Variants in CBLN2 observed in about 807,000 individuals in gnomAD.
CBLN2 encodes the protein cerebellin 2 precursor, also known as cerebellin-2.
A neutral mutation model predicts 15.0 loss-of-function variants in CBLN2; 7 were observed. The observed-to-expected ratio is 0.47, with a 90% CI of 0.27 to 0.88. CBLN2 has a LOEUF of 0.88. CBLN2 is among the 40% of genes least tolerant of loss of function. CBLN2 has a pLI of 0.14. For synonymous variants in CBLN2, 149 were observed against 135.2 expected (o/e 1.10, Z -0.71); for missense variants, 242 against 304.5 (o/e 0.79, Z 1.53).
chr18:72,633,049 G>C (rs559623885), intron 1 of CBLN2, among the ~76,000 whole-genome samples: 2 of 152,202 alleles, frequency 1.3e-5, no homozygotes, highest in South Asian at 4.1e-4. Context: ...AAGTCGCTTC[G>C]ATTGTTTCAT....
chr18:72,585,964 G>A (rs1206187429), intron 1 of CBLN2, among the ~76,000 whole-genome samples: 4 of 152,244 alleles, frequency 2.6e-5, no homozygotes, highest in Non-Finnish European at 5.9e-5. Context: ...CACCAAGAAT[G>A]TGAAGATGCC....
rs1409476141 is a variant in CBLN2 at position 72,538,031 on chromosome 18, G to A, written c.*145C>T. On this transcript the variant is annotated 3_prime_UTR_variant, in exon 5 of 5. Transcript: ENST00000269503. The stretch of plus-strand genomic sequence containing the variant: ...AAAAAACAAAAACAAAAGTACTGGA[G>A]GTTTCAAAGGAAATCATTCTTCTAC... 1.2e-5 allele frequency: 9 copies of A among 782,588 alleles called. No homozygotes were observed. The Admixed American group carries it at 1.9e-4, about 17-fold the overall frequency. 48.5% of individuals were successfully genotyped at this position (782,588 alleles called of 1,614,324 possible). A position where few individuals can be genotyped will look rare whatever the true frequency, so the allele number is the denominator to read the frequency against.
chr18:72,546,245 G>A (rs1288301150), upstream of CBLN2, among the ~76,000 whole-genome samples: 1 of 152,156 alleles, frequency 6.6e-6, no homozygotes, highest in Non-Finnish European at 1.5e-5. Flanking sequence ...AGACCATCCT[G>A]GCTAACACGG....
intron 1 of CBLN2, among the ~76,000 whole-genome samples, chr18:72,571,418 G>T (rs1197925339): frequency 6.6e-6 from 1 of 151,676 alleles, no homozygotes; most frequent in Admixed American, 6.6e-5. Context: ...AAAAGAAAAA[G>T]AAAAAAAAGC....
At chr18:72,579,899 T>G (rs2069391963) in intron 1 of CBLN2, among the ~76,000 whole-genome samples, 1 of 152,078 alleles carries the variant, frequency 6.6e-6, no homozygotes. Context: ...ATTTAGTCTC[T>G]GAGTCTTAAT....
Position 72,579,589 on chromosome 18 carries a change from G to A in CBLN2, c.16-40817C>T, listed in dbSNP as rs610566. Among the ~76,000 whole-genome samples, 606 of 152,024 alleles carry A rather than the reference G, an allele frequency of 4.0e-3. 5 individuals are homozygous for A. The highest frequency in any genetic ancestry group is 0.014 in the African/African-American group (585 of 41,470). Reference sequence around the variant, plus strand: ...TCTACTAAAAATACAAAAATTAGTTGGGTGTGGCTGTTGGCACCTGTAATC... The same window carrying A: ...TCTACTAAAAATACAAAAATTAGTTAGGTGTGGCTGTTGGCACCTGTAATC... On this transcript the variant is annotated intron_variant, in intron 1 of 2. Coordinates refer to the CBLN2 transcript ENST00000581073.
chr18:72,548,390 A>G (rs2069172021), upstream of CBLN2, among the ~76,000 whole-genome samples: 1 of 152,182 alleles, frequency 6.6e-6, no homozygotes. Flanking sequence ...TTAATTCTTG[A>G]TCTTGAGACT....
At chr18:72,627,715 A>G (rs2069749702) in intron 1 of CBLN2, among the ~76,000 whole-genome samples, 2 of 152,260 alleles carry the variant, frequency 1.3e-5, no homozygotes, top group African/African-American at 4.8e-5. Flanking sequence ...TGGTGATTGC[A>G]CATATTAGTA....
intron 1 of CBLN2, among the ~76,000 whole-genome samples, chr18:72,573,086 G>A (rs1212679062): frequency 2.0e-5 from 3 of 152,084 alleles, no homozygotes; most frequent in East Asian, 1.9e-4. Flanking sequence ...AATAAATCAT[G>A]GGATGATAAA....
intron 1 of CBLN2, among the ~76,000 whole-genome samples, chr18:72,637,633 A>G (rs956094047): frequency 2.6e-5 from 4 of 152,220 alleles, no homozygotes; most frequent in African/African-American, 9.6e-5. Context: ...CTGGAGGGGA[A>G]TTGGTACCTG....
intron 1 of CBLN2, among the ~76,000 whole-genome samples, chr18:72,606,660 G>A (rs2069585448): frequency 6.6e-6 from 1 of 152,192 alleles, no homozygotes; most frequent in Non-Finnish European, 1.5e-5. Context: ...GCATAGAAGA[G>A]GCTTAGCTGC....
upstream of CBLN2, among the ~76,000 whole-genome samples, chr18:72,547,737 G>GA (rs1056239425): frequency 2.6e-5 from 4 of 152,000 alleles, no homozygotes; most frequent in African/African-American, 4.8e-5. Flanking sequence ...TTTTGTATCT[G>GA]AAAAAATTTA....
chr18:72,577,680 T>G (rs1228017014), intron 1 of CBLN2, among the ~76,000 whole-genome samples: 1 of 152,190 alleles, frequency 6.6e-6, no homozygotes, highest in Non-Finnish European at 1.5e-5. Context: ...TCTGGCCTGG[T>G]GCTAATTGGT....
At chr18:72,574,202 CT>C (rs2069350166) in intron 1 of CBLN2, among the ~76,000 whole-genome samples, 1 of 152,076 alleles carries the variant, frequency 6.6e-6, no homozygotes, top group East Asian at 1.9e-4. Context: ...TTAGATATGC[CT>C]TTTGCAAATA....
rs554166603 is a variant in CBLN2, at chr18:72,560,835, T to C, written c.16-22063A>G. Among the ~76,000 whole-genome samples the C allele has an allele frequency of 2.0e-3, 307 of 152,108 alleles. 2 individuals carry two copies. Among genetic ancestry groups the C allele is most frequent in the Middle Eastern group, 0.01 (3 of 294 alleles). Reference sequence around the variant, plus strand: ...CATCCTGGCTAACATGATGAAACCCTGTCTCTACTAAAAAATACAAAAAAT... The same window carrying C: ...CATCCTGGCTAACATGATGAAACCCCGTCTCTACTAAAAAATACAAAAAAT... On this transcript the variant is annotated intron_variant, in intron 1 of 2. Coordinates refer to the CBLN2 transcript ENST00000581073.
intron 1 of CBLN2, among the ~76,000 whole-genome samples, chr18:72,563,240 C>T (rs2069273217): frequency 6.6e-6 from 1 of 152,120 alleles, no homozygotes; most frequent in East Asian, 1.9e-4. Context: ...TATGTTTTTA[C>T]AATTAAATTT....
chr18:72,638,470 T>C (rs1197395625), exon 1 of CBLN2: 1 of 396,632 alleles, frequency 2.5e-6, no homozygotes, highest in Non-Finnish European at 4.4e-6. Context: ...TTATCCTCAC[T>C]GACGGACGCA....
intron 1 of CBLN2, among the ~76,000 whole-genome samples, chr18:72,612,921 C>T (rs1041295655): frequency 2.6e-5 from 4 of 152,270 alleles, no homozygotes; most frequent in East Asian, 1.9e-4. Flanking sequence ...GCCAGAAGTC[C>T]AAGATCAAGC....
intron 1 of CBLN2, among the ~76,000 whole-genome samples, chr18:72,555,262 C>T (rs905503400): frequency 6.6e-5 from 10 of 152,116 alleles, no homozygotes; most frequent in African/African-American, 2.4e-4. Context: ...GCTGGAAAGC[C>T]TGCTGGTGGT....
Sources: allele counts gnomAD v4.1 joint callset (sites outside exome capture counted in the v4.1 genomes callset), GRCh38; gene constraint gnomAD v4.1.1; transcripts MANE v1.5; gene names NCBI Gene and HGNC (gene_info 2026-07-23, HGNC 2026-07-21).